ZEB2: variants seen among roughly 807,000 people sequenced by gnomAD.
ZEB2 encodes zinc finger E-box binding homeobox 2.
Under a neutral mutation model 99.9 loss-of-function variants are expected in ZEB2, and 6 were observed. The ratio of observed to expected loss-of-function variants is 0.06; its 90% CI spans 0.03 to 0.12. The LOEUF is 0.12. Among genes scored for constraint, ZEB2 ranks in the 10% least tolerant of loss-of-function variants. The pLI, the probability that ZEB2 is intolerant of heterozygous loss-of-function variation, is 1.00. For missense variants in ZEB2, 969 were observed against 1,502.8 expected, an observed-to-expected ratio of 0.64 and a Z score of 5.87; for synonymous variants, 517 against 542.5, an observed-to-expected ratio of 0.95 and a Z score of 0.65.
rs550860871 is a variant in ZEB2 at position 144,444,477 on chromosome 2, T to C, written c.74-14451A>G. Reference sequence around the variant, plus strand: ...AGGACTGCTGACTGTCATAAAACTCTGTGTGTCACCAGCTGGGGGTCGGGG... The same window carrying C: ...AGGACTGCTGACTGTCATAAAACTCCGTGTGTCACCAGCTGGGGGTCGGGG... On this transcript the variant is annotated intron_variant, in intron 2 of 9. Coordinates refer to ENST00000627532, the MANE Select transcript of ZEB2 (RefSeq NM_014795.4). Among the ~76,000 whole-genome samples, 7 of 152,336 alleles carry C rather than the reference T, an allele frequency of 4.6e-5. No individual in the cohort carries two copies. In the South Asian group the frequency reaches 1.4e-3, roughly 32 times the overall value.
chr2:144,404,383 G>T (rs1315211349), intron 5 of ZEB2, among the ~76,000 whole-genome samples: 1 of 110,450 alleles, frequency 9.1e-6, no homozygotes, highest in Non-Finnish European at 1.8e-5. Context: ...GGGGTGGGGG[G>T]GACTTAAACA....
chr2:144,411,160 T>G, intron 4 of ZEB2, among the ~76,000 whole-genome samples: 1 of 130,432 alleles, frequency 7.7e-6, no homozygotes, highest in East Asian at 2.2e-4. Context: ...GCTTCCCCAG[T>G]GTAATGTAAT....
intron 3 of ZEB2, chr2:144,426,391 T>C (rs146388289): frequency 6.6e-6 from 1 of 152,312 alleles, no homozygotes; most frequent in Non-Finnish European, 1.5e-5. Context: ...ATAGCTTTTG[T>C]GTCTTTCTTC....
Position 144,399,596 on chromosome 2 carries a change from C to G in ZEB2, c.1591G>C (p.Glu531Gln). 6.2e-7 allele frequency: 1 copy of G among 1,614,140 alleles called. No homozygotes were observed. The highest frequency in any genetic ancestry group is 8.5e-7 in the Non-Finnish European group (1 of 1,180,032). The change falls in exon 8 of 10, where the codon GAA becomes CAA. Residue 531 changes from glutamate to glutamine, a missense_variant. Transcript: ENST00000627532. This position sits in a 1 kb window ranked among gnomAD's most constrained non-coding sequence, Gnocchi z 5.6. ...CAAGCTTTGGCTTCATTGACTTTTT[C>G]CAACGTATAGTCAATAATACTTTTA... ...ATKSIIDYTL[E>Q]KVNEAKACLQ...
At chr2:144,396,376 G>A (rs371089695) in intron 9 of ZEB2, 36 bp downstream of exon 9, 79 of 1,609,278 alleles carry the variant, frequency 4.9e-5, no homozygotes, top group African/African-American at 9.4e-5. Context: ...ACAGCAGGAC[G>A]GGAAGCTCTA....
chr2:144,482,771 T>C (rs1202592798), intron 2 of ZEB2, among the ~76,000 whole-genome samples: 1 of 151,808 alleles, frequency 6.6e-6, no homozygotes, highest in Admixed American at 6.6e-5. Flanking sequence ...TCAACGGTTC[T>C]ATCTTCTACC....
At chr2:144,407,328 C>A (rs1703400974) in intron 4 of ZEB2, among the ~76,000 whole-genome samples, 1 of 152,182 alleles carries the variant, frequency 6.6e-6, no homozygotes, top group Middle Eastern at 3.2e-3. Context: ...TGAAATTTTG[C>A]TTAAATCTGT....
At chr2:144,501,407 C>T (rs572220720) in intron 2 of ZEB2, among the ~76,000 whole-genome samples, 7 of 152,266 alleles carry the variant, frequency 4.6e-5, no homozygotes, top group Non-Finnish European at 7.4e-5. Flanking sequence ...AAACTATTTA[C>T]GAGACCTCTT....
intron 9 of ZEB2, 88 bp downstream of exon 9, chr2:144,396,324 T>C (rs1703228811): frequency 1.3e-6 from 2 of 1,515,364 alleles, no homozygotes; most frequent in Non-Finnish European, 1.8e-6. Context: ...ATATGTTACA[T>C]CTTATGTTGC....
intron 2 of ZEB2, among the ~76,000 whole-genome samples, chr2:144,442,447 C>G (rs1703929755): frequency 1.3e-5 from 2 of 152,122 alleles, no homozygotes; most frequent in African/African-American, 4.8e-5. Context: ...AAGCTATGTA[C>G]TGTTAGGCTC....
intron 2 of ZEB2, chr2:144,511,358 C>A (rs1274222059): frequency 1.3e-5 from 15 of 1,174,272 alleles, no homozygotes; most frequent in Non-Finnish European, 1.6e-5. Context: ...CACACATGCA[C>A]ATACACAGCA....
Position 144,387,812 on chromosome 2 carries a change from A to G in ZEB2, c.*1639T>C, listed in dbSNP as rs1243544813. ...ACATAAAAATACACAATCTGGAATCAGGATCAGTTGAGAAAAGCTGTAAAA... is the reference window on the plus strand; with the variant it reads ...ACATAAAAATACACAATCTGGAATCGGGATCAGTTGAGAAAAGCTGTAAAA... On this transcript the variant is annotated 3_prime_UTR_variant, in exon 10 of 10. Coordinates refer to ENST00000627532, the MANE Select transcript of ZEB2 (RefSeq NM_014795.4). 5 of 152,222 alleles carry G rather than the reference A, an allele frequency of 3.3e-5. No homozygotes were observed. Among genetic ancestry groups the G allele is most frequent in the African/African-American group, 1.2e-4 (5 of 41,460 alleles). The allele number at this position is 152,222 out of a possible 1,614,324, so 9.4% of individuals were successfully genotyped here. A position where few individuals can be genotyped will look rare whatever the true frequency, so the allele number is the denominator to read the frequency against.
At chr2:144,491,064 A>G (rs6723060) in intron 2 of ZEB2, among the ~76,000 whole-genome samples, 151,362 of 152,362 alleles carry the variant, frequency 0.99, 75,189 homozygotes, top group East Asian at 1. Flanking sequence ...AGACCGGAAC[A>G]GCTCAGAAGA....
chr2:144,454,643 T>C (rs1391284536), intron 2 of ZEB2, among the ~76,000 whole-genome samples: 1 of 152,190 alleles, frequency 6.6e-6, no homozygotes, highest in Non-Finnish European at 1.5e-5. Context: ...GTGTTTTGAT[T>C]AATATTGCAG....
rs1440144232 is a variant in ZEB2 at position 144,424,816 on chromosome 2, G to A, written c.383C>T (p.Thr128Ile). The A allele has an allele frequency of 1.9e-6, 3 of 1,613,940 alleles. No homozygotes were observed. Among genetic ancestry groups the A allele is most frequent in the Non-Finnish European group, 1.7e-6 (2 of 1,179,962 alleles). Reference protein sequence around the residue: ...DTMGPEATIQTAINNGTVKNA... With the variant: ...DTMGPEATIQIAINNGTVKNA... ...CTCACCTGTACCATTGTTAATTGCG[G>A]TCTGGATCGTGGCTTCTGGCCCCAT... is the stretch of plus-strand genomic sequence containing the variant. The change falls in exon 4 of 10, where the codon ACC becomes ATC. Residue 128 changes from threonine to isoleucine, a missense_variant. Physicochemically the swap from Thr to Ile is moderately conservative, Grantham distance 89. Transcript: ENST00000627532.
chr2:144,473,431 G>A (rs1444956723), intron 2 of ZEB2, among the ~76,000 whole-genome samples: 2 of 151,930 alleles, frequency 1.3e-5, no homozygotes, highest in Non-Finnish European at 2.9e-5. Flanking sequence ...TGCATACCTT[G>A]ATTCTTTTTT....
chr2:144,429,591 T>C (rs916542171), intron 3 of ZEB2, 178 bp downstream of exon 3: 44 of 954,118 alleles, frequency 4.6e-5, no homozygotes, highest in Non-Finnish European at 6.7e-5. Flanking sequence ...ACTGCCGCAA[T>C]GTGATAACAT....
At chr2:144,494,982 A>C (rs182035427) in intron 2 of ZEB2, 1 of 152,344 alleles carries the variant, frequency 6.6e-6, no homozygotes, top group African/African-American at 2.4e-5. Flanking sequence ...TCAAGAAGTA[A>C]CCTCAGTGTA....
chr2:144,503,469 T>C (rs1452214259), intron 2 of ZEB2, among the ~76,000 whole-genome samples: 1 of 152,184 alleles, frequency 6.6e-6, no homozygotes, highest in Non-Finnish European at 1.5e-5. Context: ...AGCCAATGCC[T>C]GTCATACACA....
Sources: allele counts gnomAD v4.1 joint callset (sites outside exome capture counted in the v4.1 genomes callset), GRCh38; gene constraint gnomAD v4.1.1; non-coding constraint Gnocchi (gnomAD v3.1); transcripts MANE v1.5; gene names NCBI Gene and HGNC (gene_info 2026-07-23, HGNC 2026-07-21).